Variants in POU2F1 observed in about 807,000 individuals in gnomAD.
POU2F1 encodes POU class 2 homeobox 1, also known as POU domain, class 2, transcription factor 1.
Under a neutral mutation model 84.9 loss-of-function variants are expected in POU2F1, and 16 were observed. That is an observed-to-expected ratio of 0.19 (90% confidence interval 0.13 to 0.29). The LOEUF (loss-of-function observed/expected upper bound fraction) is 0.29. Ranked by LOEUF, POU2F1 falls within the 10% of genes least tolerant of loss-of-function variation. POU2F1 has a pLI of 1.00. For synonymous variants in POU2F1, 368 were observed against 368.3 expected, an observed-to-expected ratio of 1.00 and a Z score of 0.01; for missense variants, 738 against 942.6, an observed-to-expected ratio of 0.78 and a Z score of 2.84.
chr1:167,262,560 G>A lies in POU2F1; in HGVS notation c.61+41602G>A, dbSNP rs139176328. On this transcript the variant is annotated intron_variant, in intron 1 of 15. Transcript: ENST00000367866. ...TAGTTGCTTGCTTCTGTGTACATAC[G>A]TACCCTCTTAGTTTCACAGAGGGAG... 1.2e-3 allele frequency among the ~76,000 whole-genome samples: 182 copies of A among 152,288 alleles called. No individual in the cohort carries two copies. In the East Asian group the frequency reaches 0.029, roughly 24 times the overall value.
intron 1 of POU2F1, among the ~76,000 whole-genome samples, chr1:167,259,741 T>C (rs1651413692): frequency 6.6e-6 from 1 of 152,184 alleles, no homozygotes; most frequent in Non-Finnish European, 1.5e-5. Flanking sequence ...GTAGTTCTTA[T>C]TGCACCACAT....
intron 1 of POU2F1, among the ~76,000 whole-genome samples, chr1:167,262,828 C>T (rs1651670012): frequency 1.3e-5 from 2 of 152,034 alleles, no homozygotes; most frequent in African/African-American, 4.8e-5. Context: ...CAGTGTGAAG[C>T]AAGGTCTGGT....
chr1:167,250,686 T>C lies in POU2F1; in HGVS notation c.61+29728T>C, dbSNP rs568767469. On this transcript the variant is annotated intron_variant, in intron 1 of 15. Transcript: ENST00000367866. The stretch of plus-strand genomic sequence containing the variant: ...TGGAGGCATTTTCTTATCAACAAAG[T>C]GGATCAAACTGACTCTAAAAGTGGT... Among the ~76,000 whole-genome samples, 87 of 152,338 alleles carry C rather than the reference T, an allele frequency of 5.7e-4. No homozygotes were observed. The South Asian group carries it at 0.017, about 30-fold the overall frequency.
At chr1:167,411,861 T>G in intron 13 of POU2F1, 98 bp from the exon 14 acceptor site, 1 of 1,121,686 alleles carries the variant, frequency 8.9e-7, no homozygotes, top group Non-Finnish European at 1.3e-6. Context: ...AGGTGGTAGG[T>G]TAATTATTCC....
Position 167,381,178 on chromosome 1 carries a change from G to A in POU2F1, c.719-2679G>A, listed in dbSNP as rs566332036. 1.9e-4 allele frequency among the ~76,000 whole-genome samples: 29 copies of A among 152,232 alleles called. No individual in the cohort carries two copies. The East Asian group carries it at 5.2e-3, about 27-fold the overall frequency. ...GCTCACTGCAACCTCCGTCTCCCAG[G>A]TTAGAAGGATTCTTCTGCCTCAGCC... is the stretch of plus-strand genomic sequence containing the variant. On this transcript the variant is annotated intron_variant, in intron 7 of 15. Transcript: ENST00000367866.
At chr1:167,294,271 C>A (rs1407025529) in intron 1 of POU2F1, among the ~76,000 whole-genome samples, 1 of 151,492 alleles carries the variant, frequency 6.6e-6, no homozygotes, top group Non-Finnish European at 1.5e-5. Flanking sequence ...ATGATGTGAA[C>A]CCGGGAGGCG....
chr1:167,246,492 G>A (rs1415590501), intron 1 of POU2F1, among the ~76,000 whole-genome samples: 1 of 152,062 alleles, frequency 6.6e-6, no homozygotes, highest in Non-Finnish European at 1.5e-5. Flanking sequence ...AATATTGAAT[G>A]AAATTATTAT....
At chr1:167,245,539 GAGT>G (rs901598445) in intron 1 of POU2F1, among the ~76,000 whole-genome samples, 3 of 151,324 alleles carry the variant, frequency 2.0e-5, no homozygotes, top group African/African-American at 7.3e-5. Flanking sequence ...TCAGGCTCCC[GAGT>G]AGCTGGGATT....
At chr1:167,246,933 A>T (rs1416889948) in intron 1 of POU2F1, among the ~76,000 whole-genome samples, 3 of 152,200 alleles carry the variant, frequency 2.0e-5, no homozygotes, top group African/African-American at 7.2e-5. Context: ...CGATTAGTTT[A>T]TACTTTTAGA....
chr1:167,412,361 T>A, intron 14 of POU2F1, 57 bp downstream of exon 14: 1 of 1,413,074 alleles, frequency 7.1e-7, no homozygotes, highest in South Asian at 1.4e-5. Context: ...CTGGAATTAC[T>A]CACAGGGGAG....
intron 1 of POU2F1, among the ~76,000 whole-genome samples, chr1:167,225,844 T>C (rs1648590504): frequency 6.6e-6 from 1 of 152,226 alleles, no homozygotes; most frequent in African/African-American, 2.4e-5. Flanking sequence ...TTTTTTAATT[T>C]TGAAACCCCA....
In POU2F1 at chr1:167,389,633, C is replaced by T. The variant is rs771142281; in HGVS notation, c.859C>T (p.Leu287Phe). The change falls in exon 9 of 16, where the codon CTT (leucine) becomes TTT (phenylalanine). Residue 287 changes from leucine (L) to phenylalanine (F), a missense_variant. Around this residue, in one of 4 missense-constraint regions of POU2F1, gnomAD observed 163 missense variants for 214.4 expected, o/e 0.76. Transcript: ENST00000367866. ...AATAGCAGCAACCCCAATTCAGACA[C>T]TTCCACAGAGCCAGTCAACACCAAA... ...RTIAATPIQT[L>F]PQSQSTPKRI... 13 of 1,614,118 alleles carry T rather than the reference C, an allele frequency of 8.1e-6. 1 individual carries two copies.
intron 7 of POU2F1, among the ~76,000 whole-genome samples, chr1:167,378,005 T>A (rs1355497948): frequency 6.6e-6 from 1 of 152,216 alleles, no homozygotes; most frequent in East Asian, 1.9e-4. Context: ...GTGCTGCAAT[T>A]AACATACGCA....
chr1:167,352,791 G>C (rs1404601902), intron 2 of POU2F1, among the ~76,000 whole-genome samples: 1 of 152,074 alleles, frequency 6.6e-6, no homozygotes, highest in East Asian at 1.9e-4. Flanking sequence ...ATATTCATCT[G>C]TGTCATATGT....
chr1:167,295,608 T>G (rs1654240426), intron 1 of POU2F1, among the ~76,000 whole-genome samples: 1 of 152,200 alleles, frequency 6.6e-6, no homozygotes, highest in East Asian at 1.9e-4. Flanking sequence ...AATCTCAGAA[T>G]TCACCACTAT....
At chr1:167,391,459 A>T (rs1648392763) in intron 9 of POU2F1, among the ~76,000 whole-genome samples, 1 of 151,686 alleles carries the variant, frequency 6.6e-6, no homozygotes, top group Non-Finnish European at 1.5e-5. Flanking sequence ...AAAGTACGGT[A>T]ATGCTCCACC....
intron 1 of POU2F1, among the ~76,000 whole-genome samples, chr1:167,313,953 C>A (rs1053266875): frequency 6.6e-5 from 10 of 152,054 alleles, no homozygotes; most frequent in Admixed American, 2.6e-4. Context: ...AATCCCAGAA[C>A]TTTGGGAGGC....
At position 167,415,909 on chromosome 1, in the gene POU2F1, C is replaced by T. The variant is rs147488593; in HGVS notation, c.*99C>T. The T allele has an allele frequency of 2.9e-4, 320 of 1,111,988 alleles. No homozygotes were observed. The highest frequency in any genetic ancestry group is 1.7e-3 in the East Asian group (57 of 33,682). 68.9% of individuals were successfully genotyped at this position (1,111,988 alleles called of 1,614,324 possible). A position where few individuals can be genotyped will look rare whatever the true frequency, so the allele number is the denominator to read the frequency against. On this transcript the variant is annotated 3_prime_UTR_variant, in exon 16 of 16. Coordinates refer to ENST00000367866, the MANE Select transcript of POU2F1 (RefSeq NM_002697.4). Reference sequence around the variant, plus strand: ...CTGAAAAATGTGATTGGCTTCCTCTCGCCGTGTTGTGAGGGCAAAGGAGAG... The same window carrying T: ...CTGAAAAATGTGATTGGCTTCCTCTTGCCGTGTTGTGAGGGCAAAGGAGAG...
intron 1 of POU2F1, among the ~76,000 whole-genome samples, chr1:167,273,598 GACGT>G (rs1375513713): frequency 2.6e-5 from 4 of 152,244 alleles, no homozygotes; most frequent in Non-Finnish European, 5.9e-5. Context: ...AGCAGCCTGA[GACGT>G]ATCTGGGCCC....
Sources: gnomAD v4.1 joint callset for allele counts (sites outside exome capture counted in the v4.1 genomes callset) on GRCh38, gnomAD v4.1.1 for gene constraint, gnomAD v4.1.1 regional missense constraint, MANE v1.5 for transcripts, NCBI Gene and HGNC (gene_info 2026-07-23, HGNC 2026-07-21) for gene names.